ANKRD28: variants seen among roughly 807,000 people sequenced by gnomAD.
The protein encoded by ANKRD28 is ankyrin repeat domain 28, also known as serine/threonine-protein phosphatase 6 regulatory ankyrin repeat subunit A.
ANKRD28 carries 44 observed loss-of-function variants against 126.5 expected under a neutral mutation model. The ratio of observed to expected loss-of-function variants is 0.35; its 90% confidence interval spans 0.27 to 0.45. The LOEUF (loss-of-function observed/expected upper bound fraction) is 0.45. Among genes scored for constraint, ANKRD28 ranks in the 20% least tolerant of loss-of-function variants. The probability of loss-of-function intolerance (pLI) is 1.00; values close to 1 mark genes in which losing one functional copy is unlikely to be tolerated. For missense variants in ANKRD28, 1,110 were observed against 1,316.6 expected (o/e 0.84, Z 2.43); for synonymous variants, 442 against 468.5 (o/e 0.94, Z 0.73).
rs1021279707 is a variant in ANKRD28 at position 15,767,647 on chromosome 3, G to A, written c.202-1335C>T. 3.6e-5 allele frequency among the ~76,000 whole-genome samples: 5 copies of A among 140,434 alleles called. No homozygotes were observed. The East Asian group carries it at 6.1e-4, about 17-fold the overall frequency. The allele number at this position is 140,434 out of a possible 152,430, so 92.1% of individuals were successfully genotyped here. A position where few individuals can be genotyped will look rare whatever the true frequency, so the allele number is the denominator to read the frequency against. ...GAGGCTGAGGTGGCGGGTGGATCAC[G>A]AGGTCAGGAGATCGAGACCATCCTG... On this transcript the variant is annotated intron_variant, in intron 2 of 27. Coordinates refer to ENST00000683139, the MANE Select transcript of ANKRD28 (RefSeq NM_001349278.2).
Position 15,845,283 on chromosome 3 carries a change from T to C in ANKRD28, c.27+14094A>G, listed in dbSNP as rs2061507300. On this transcript the variant is annotated intron_variant, in intron 1 of 27. Transcript: ENST00000399451. The surrounding 1 kb of genome is among the most constrained non-coding windows in gnomAD (Gnocchi z 4.9). ...AGTGGATTAACTGTTACATAACATA[T>C]ACACAATCTTCCAGAACATTTCTAA... Among the ~76,000 whole-genome samples, 1 of 149,486 alleles carries C rather than the reference T, an allele frequency of 6.7e-6. No homozygotes were observed. Among genetic ancestry groups the C allele is most frequent in the Non-Finnish European group, 1.5e-5 (1 of 67,642 alleles).
At chr3:15,707,834 G>C in intron 14 of ANKRD28, 90 bp downstream of exon 14, 2 of 1,463,382 alleles carry the variant, frequency 1.4e-6, no homozygotes, top group Non-Finnish European at 1.9e-6. Flanking sequence ...AATACAAAGA[G>C]GAAACACAAA....
chr3:15,784,902 T>A (rs1477496604), intron 2 of ANKRD28, among the ~76,000 whole-genome samples: 1 of 152,066 alleles, frequency 6.6e-6, no homozygotes, highest in Non-Finnish European at 1.5e-5. Context: ...ATCTGTCCAA[T>A]ATAACTATTT....
At chr3:15,767,384 G>A (rs2125563169) in intron 2 of ANKRD28, among the ~76,000 whole-genome samples, 1 of 152,194 alleles carries the variant, frequency 6.6e-6, no homozygotes, top group African/African-American at 2.4e-5. Flanking sequence ...GTGACAGATA[G>A]TTAGTTGTTT....
chr3:15,835,915 G>GA (rs1436742039), intron 1 of ANKRD28, among the ~76,000 whole-genome samples: 2 of 152,074 alleles, frequency 1.3e-5, no homozygotes, highest in Non-Finnish European at 2.9e-5. Context: ...ACAGGTAAAG[G>GA]AAAAATGACA....
chr3:15,828,846 C>G (rs1185932359), intron 1 of ANKRD28, among the ~76,000 whole-genome samples: 1 of 152,100 alleles, frequency 6.6e-6, no homozygotes, highest in African/African-American at 2.4e-5. Flanking sequence ...AAGACCAAGA[C>G]TCTAAATCAA....
chr3:15,819,329 T>C (rs911717028), intron 1 of ANKRD28, among the ~76,000 whole-genome samples: 1 of 151,994 alleles, frequency 6.6e-6, no homozygotes, highest in African/African-American at 2.4e-5. Flanking sequence ...AATAAACATA[T>C]AGATCCAATG....
At chr3:15,711,338 T>C (rs1342924523) in intron 11 of ANKRD28, 64 bp from the exon 12 acceptor site, 20 of 1,373,022 alleles carry the variant, frequency 1.5e-5, no homozygotes, top group Non-Finnish European at 2.0e-5. Flanking sequence ...AATTGTGTCA[T>C]GAAACATCAA....
At chr3:15,708,251 C>G (rs2071735217) in intron 13 of ANKRD28, among the ~76,000 whole-genome samples, 187 bp from the exon 14 acceptor site, 1 of 152,168 alleles carries the variant, frequency 6.6e-6, no homozygotes, top group Admixed American at 6.5e-5. Context: ...TGGCAGAGAA[C>G]CTTTAAGTAT....
intron 1 of ANKRD28, among the ~76,000 whole-genome samples, chr3:15,844,585 G>T (rs971233033): frequency 6.6e-6 from 1 of 152,124 alleles, no homozygotes; most frequent in Non-Finnish European, 1.5e-5. Context: ...TGTTAGTAAG[G>T]AGACAACAAT....
intron 3 of ANKRD28, among the ~76,000 whole-genome samples, chr3:15,758,476 T>A (rs930299638): frequency 2.0e-5 from 3 of 152,182 alleles, no homozygotes; most frequent in Non-Finnish European, 1.5e-5. Context: ...AATATGACTT[T>A]AACTGGAGAT....
chr3:15,804,496 T>C (rs571654396), intron 1 of ANKRD28, among the ~76,000 whole-genome samples: 1 of 145,804 alleles, frequency 6.9e-6, no homozygotes, highest in South Asian at 2.3e-4. Flanking sequence ...AAAAACTCTA[T>C]CACATTTTTC....
chr3:15,822,245 C>T (rs2060958634), intron 1 of ANKRD28, among the ~76,000 whole-genome samples: 1 of 152,172 alleles, frequency 6.6e-6, no homozygotes, highest in Admixed American at 6.5e-5. Flanking sequence ...TACCCCAACA[C>T]AGAAGCAATT....
Position 15,809,911 on chromosome 3 carries a change from C to A in ANKRD28, c.28-14605G>T, listed in dbSNP as rs564996539. Reference sequence around the variant, plus strand: ...TTGTTGCAATTCAAGTATACCATGCCACTACATGCAGCTATGCCCTTGCAG... The same window carrying A: ...TTGTTGCAATTCAAGTATACCATGCAACTACATGCAGCTATGCCCTTGCAG... On this transcript the variant is annotated intron_variant, in intron 1 of 27. Coordinates refer to the ANKRD28 transcript ENST00000399451. Among the ~76,000 whole-genome samples, 30 of 152,206 alleles carry A rather than the reference C, an allele frequency of 2.0e-4. No homozygotes were observed. In the South Asian group the frequency reaches 6.2e-3, roughly 32 times the overall value.
Position 15,843,683 on chromosome 3 carries a change from A to C in ANKRD28, c.27+15694T>G, listed in dbSNP as rs1362656005. On this transcript the variant is annotated intron_variant, in intron 1 of 27. Transcript: ENST00000399451. The surrounding 1 kb of genome is among the most constrained non-coding windows in gnomAD (Gnocchi z 5.2). ...AATAAGAAAGCAATGGGTAAAAAAA[A>C]TGAATACAAATAAGAGATAAACAAT... is the stretch of plus-strand genomic sequence containing the variant. 6.6e-6 allele frequency among the ~76,000 whole-genome samples: 1 copy of C among 152,146 alleles called. No individual in the cohort carries two copies. The highest frequency in any genetic ancestry group is 1.5e-5 in the Non-Finnish European group (1 of 68,038).
Position 15,781,632 on chromosome 3 carries a change from A to G in ANKRD28, c.201+13591T>C, listed in dbSNP as rs572999404. On this transcript the variant is annotated intron_variant, in intron 2 of 27. Coordinates refer to ENST00000683139, the MANE Select transcript of ANKRD28 (RefSeq NM_001349278.2). ...CCAGTTGTTCGGCAGGCTAATGTTTAGAATTTCTATTCCAGAAGTACTGCT... is the reference window on the plus strand; with the variant it reads ...CCAGTTGTTCGGCAGGCTAATGTTTGGAATTTCTATTCCAGAAGTACTGCT... 7 of 152,330 alleles carry G rather than the reference A, an allele frequency of 4.6e-5. No individual in the cohort carries two copies. The South Asian group carries it at 1.4e-3, about 32-fold the overall frequency. The allele number at this position is 152,330 out of a possible 1,614,324, so 9.4% of individuals were successfully genotyped here. A position where few individuals can be genotyped will look rare whatever the true frequency, so the allele number is the denominator to read the frequency against.
At position 15,797,202 on chromosome 3, in the gene ANKRD28, ACAAAAAC is replaced by A. The variant is rs2060315647; in HGVS notation, c.-688_-682del. On this transcript the variant is annotated 5_prime_UTR_variant, in exon 1 of 28. It removes the in-frame stop codon of an upstream open reading frame in the 5' UTR. Coordinates refer to ENST00000683139, the MANE Select transcript of ANKRD28 (RefSeq NM_001349278.2). ...TCAGTGTTTGGGAAAGGGGCAAAAAACAAAAACAAAAAAAAAAAAACCACTCTGCATT... is the reference window on the plus strand; with the variant it reads ...TCAGTGTTTGGGAAAGGGGCAAAAAAAAAAAAAAAAAAACCACTCTGCATT... 5 of 867,112 alleles carry A rather than the reference ACAAAAAC, an allele frequency of 5.8e-6. No homozygotes were observed. The highest frequency in any genetic ancestry group is 5.6e-5 in the South Asian group (1 of 17,774). The allele number at this position is 867,112 out of a possible 1,614,324, so 53.7% of individuals were successfully genotyped here.
At chr3:15,707,867 G>A (rs544202885) in intron 14 of ANKRD28, 57 bp downstream of exon 14, 79 of 1,565,168 alleles carry the variant, frequency 5.0e-5, no homozygotes, top group African/African-American at 5.0e-4. Flanking sequence ...ACATCCATAT[G>A]GAAGATGCCA....
intron 1 of ANKRD28, among the ~76,000 whole-genome samples, chr3:15,852,638 C>A (rs2061677781): frequency 6.6e-6 from 1 of 151,532 alleles, no homozygotes; most frequent in Non-Finnish European, 1.5e-5. Flanking sequence ...TCGAGACCAT[C>A]CTGGCTAACA....
Sources: allele counts gnomAD v4.1 joint callset (sites outside exome capture counted in the v4.1 genomes callset), GRCh38; gene constraint gnomAD v4.1.1; non-coding constraint Gnocchi (gnomAD v3.1); transcripts MANE v1.5; gene names NCBI Gene and HGNC (gene_info 2026-07-23, HGNC 2026-07-21).